The following VPS45 variants were observed in gnomAD, a reference collection of about 807,000 sequenced individuals.
VPS45 encodes the protein vacuolar protein sorting 45 homolog.
In VPS45, 35 loss-of-function variants were observed where a neutral mutation model predicts 75.9. That is an observed-to-expected ratio of 0.46 (90% CI 0.35 to 0.61). VPS45 has a LOEUF of 0.61. VPS45 is among the 20% of genes least tolerant of loss of function. The pLI is 0.00. For missense variants in VPS45, 559 were observed against 685.9 expected, an observed-to-expected ratio of 0.81 and a Z score of 2.07; for synonymous variants, 220 against 238.2, an observed-to-expected ratio of 0.92 and a Z score of 0.70.
Position 150,130,198 on chromosome 1 carries a change from C to CACTTTTT in VPS45, c.1626-14511_1626-14510insACTTTTT, listed in dbSNP as rs1553811982. Among the ~76,000 whole-genome samples, 456 of 86,378 alleles carry CACTTTTT rather than the reference C, an allele frequency of 5.3e-3. 13 individuals carry two copies. The highest frequency in any genetic ancestry group is 0.02 in the African/African-American group (409 of 19,978). The allele number at this position is 86,378 out of a possible 152,430, so 56.7% of individuals were successfully genotyped here. On this transcript the variant is annotated intron_variant, in intron 14 of 14. Coordinates refer to ENST00000644510, the MANE Select transcript of VPS45 (RefSeq NM_007259.5). ...TATCTATATATAATACACACACACA[C>CACTTTTT]TTTTTTTTTTTTTTTTTTTTGAGAG...
chr1:150,067,938 G>A lies in VPS45; in HGVS notation c.81G>A (p.Met27Ile). Reference protein sequence around the residue: ...DSGPGMKVLLMDKETTGIVSM... With the variant: ...DSGPGMKVLLIDKETTGIVSM... ...GGCCTGGTATGAAAGTACTTCTCATGGATAAAGAGACGGTGAGTTTGCTTT... is the reference window on the plus strand; with the variant it reads ...GGCCTGGTATGAAAGTACTTCTCATAGATAAAGAGACGGTGAGTTTGCTTT... Residue 27 changes from methionine to isoleucine, a missense_variant, in exon 1 of 15, where the codon ATG becomes ATA. By Grantham distance (10) the Met-to-Ile change is conservative. Coordinates refer to ENST00000644510, the MANE Select transcript of VPS45 (RefSeq NM_007259.5). 1 of 1,614,140 alleles carries A rather than the reference G, an allele frequency of 6.2e-7. No homozygotes were observed. The highest frequency in any genetic ancestry group is 8.5e-7 in the Non-Finnish European group (1 of 1,179,988).
chr1:150,088,434 AATATAT>A (rs200780573), intron 10 of VPS45, among the ~76,000 whole-genome samples: 4 of 125,534 alleles, frequency 3.2e-5, no homozygotes, highest in African/African-American at 1.3e-4. Context: ...CTGAATAATA[AATATAT>A]ATATATATAT....
intron 13 of VPS45, chr1:150,110,155 GATATC>G (rs1657566511): frequency 5.1e-6 from 1 of 195,752 alleles, no homozygotes; most frequent in African/African-American, 2.3e-5. Context: ...CTGCCGTATT[GATATC>G]ATGTCATGGT....
At chr1:150,082,150 T>C (rs928583346) in intron 9 of VPS45, among the ~76,000 whole-genome samples, 153 bp downstream of exon 9, 1 of 152,190 alleles carries the variant, frequency 6.6e-6, no homozygotes, top group South Asian at 2.1e-4. Context: ...AACAATATAG[T>C]GAAAACTTTA....
intron 4 of VPS45, 123 bp downstream of exon 4, chr1:150,076,435 T>C: frequency 1.6e-6 from 1 of 637,936 alleles, no homozygotes; most frequent in Non-Finnish European, 2.5e-6. Context: ...CTTGAATATG[T>C]TTATCACATA....
chr1:150,104,949 T>G (rs1657237644), intron 13 of VPS45, among the ~76,000 whole-genome samples: 1 of 152,142 alleles, frequency 6.6e-6, no homozygotes. Flanking sequence ...ATGTACCCTG[T>G]GCATTTGCTC....
At chr1:150,127,398 C>T (rs1252636997) in intron 14 of VPS45, among the ~76,000 whole-genome samples, 1 of 151,656 alleles carries the variant, frequency 6.6e-6, no homozygotes, top group East Asian at 1.9e-4. Context: ...CTCACTGTGA[C>T]ATTGATCTGG....
chr1:150,073,956 T>C (rs1476736761), intron 3 of VPS45, among the ~76,000 whole-genome samples: 5 of 151,960 alleles, frequency 3.3e-5, no homozygotes, highest in African/African-American at 1.2e-4. Context: ...CTTTTTTCAC[T>C]CAGCATAATT....
chr1:150,117,884 A>G (rs1658024344), intron 14 of VPS45, among the ~76,000 whole-genome samples: 1 of 151,578 alleles, frequency 6.6e-6, no homozygotes, highest in Admixed American at 6.6e-5. Flanking sequence ...AGTTGGATTT[A>G]GATAGAAAGA....
chr1:150,096,267 A>G (rs1284507095), intron 13 of VPS45, among the ~76,000 whole-genome samples: 1 of 152,224 alleles, frequency 6.6e-6, no homozygotes, highest in Non-Finnish European at 1.5e-5. Context: ...AGTTGGGGAA[A>G]TGGAAACAAG....
intron 2 of VPS45, among the ~76,000 whole-genome samples, chr1:150,070,471 A>T (rs1553796829): frequency 6.6e-6 from 1 of 152,100 alleles, no homozygotes. Context: ...TTTCACTGTT[A>T]TGTACTGTCT....
chr1:150,131,474 G>T (rs1490744128), intron 14 of VPS45, among the ~76,000 whole-genome samples: 2 of 152,048 alleles, frequency 1.3e-5, no homozygotes, highest in Non-Finnish European at 2.9e-5. Context: ...TCGCACCATT[G>T]CACTCCAGCC....
chr1:150,070,803 G>A (rs1490464697), intron 2 of VPS45, among the ~76,000 whole-genome samples: 2 of 151,584 alleles, frequency 1.3e-5, no homozygotes, highest in African/African-American at 2.4e-5. Flanking sequence ...GCAAGACTCC[G>A]TCTCAAAAAA....
rs781797417 is a variant in VPS45 at position 150,067,843 on chromosome 1, T to G, written c.-15T>G. On this transcript the variant is annotated 5_prime_UTR_variant, in exon 1 of 15. Transcript: ENST00000644510. The stretch of plus-strand genomic sequence containing the variant: ...GGGGCGGGAAGGGCTGTAGGGTACT[T>G]GTCAATTCGCCGCCATGAACGTGGT... 1 of 1,613,726 alleles carries G rather than the reference T, an allele frequency of 6.2e-7. No homozygotes were observed. The highest frequency in any genetic ancestry group is 1.1e-5 in the South Asian group (1 of 91,050).
At chr1:150,076,864 C>T (rs1463306412) in intron 4 of VPS45, 52 bp from the exon 5 acceptor site, 2 of 1,595,052 alleles carry the variant, frequency 1.3e-6, no homozygotes, top group African/African-American at 2.7e-5. Context: ...AATATTACTG[C>T]TTGATACAAT....
At chr1:150,118,986 A>G (rs910293866) in intron 14 of VPS45, among the ~76,000 whole-genome samples, 1 of 152,244 alleles carries the variant, frequency 6.6e-6, no homozygotes, top group Non-Finnish European at 1.5e-5. Flanking sequence ...TTTTTGCAAC[A>G]CATAAATGAT....
At chr1:150,138,365 C>T (rs963547369) in intron 14 of VPS45, among the ~76,000 whole-genome samples, 1 of 152,150 alleles carries the variant, frequency 6.6e-6, no homozygotes. Context: ...GTCGTCCTAC[C>T]TCACTGGCCA....
At chr1:150,076,873 A>G (rs781783539) in intron 4 of VPS45, 43 bp from the exon 5 acceptor site, 18 of 1,606,968 alleles carry the variant, frequency 1.1e-5, no homozygotes, top group Admixed American at 1.7e-5. Context: ...GCTTGATACA[A>G]TTGAAGTTTA....
At chr1:150,081,553 G>A in intron 8 of VPS45, 77 bp downstream of exon 8, 1 of 1,476,286 alleles carries the variant, frequency 6.8e-7, no homozygotes, top group Non-Finnish European at 9.2e-7. Context: ...GTTAGTATAG[G>A]GGCAGGCATG....
Sources: gnomAD v4.1 joint callset for allele counts (sites outside exome capture counted in the v4.1 genomes callset) on GRCh38, gnomAD v4.1.1 for gene constraint, MANE v1.5 for transcripts, NCBI Gene and HGNC (gene_info 2026-07-23, HGNC 2026-07-21) for gene names.